Variants in HECW2 observed in about 807,000 individuals in gnomAD.
HECW2 encodes E3 ubiquitin-protein ligase HECW2.
In HECW2, 61 loss-of-function variants were observed where a neutral mutation model predicts 175.2. That is an observed-to-expected ratio of 0.35 (90% CI 0.28 to 0.43). The LOEUF (loss-of-function observed/expected upper bound fraction) is 0.43, where lower values mean the gene tolerates loss of function less well. Among genes scored for constraint, HECW2 ranks in the 20% least tolerant of loss-of-function variants. The probability of loss-of-function intolerance (pLI) is 1.00; values close to 1 mark genes in which losing one functional copy is unlikely to be tolerated. For missense variants in HECW2, 1,524 were observed against 2,000.5 expected (o/e 0.76, Z 4.54); for synonymous variants, 671 against 731.0 (o/e 0.92, Z 1.32).
intron 1 of HECW2, among the ~76,000 whole-genome samples, chr2:196,584,198 G>A (rs1690894601): frequency 6.6e-6 from 1 of 152,224 alleles, no homozygotes; most frequent in Non-Finnish European, 1.5e-5. Flanking sequence ...GTAAGTAGAA[G>A]TGGTGGGCAT....
chr2:196,327,265 C>T (rs779841041), intron 5 of HECW2, among the ~76,000 whole-genome samples: 11 of 152,154 alleles, frequency 7.2e-5, no homozygotes, highest in Non-Finnish European at 1.3e-4. Context: ...AATTTTTCCA[C>T]AATGGGACAT....
intron 1 of HECW2, among the ~76,000 whole-genome samples, chr2:196,470,490 T>C (rs1697151391): frequency 6.6e-6 from 1 of 152,222 alleles, no homozygotes; most frequent in South Asian, 2.1e-4. Context: ...CTGTTTATCT[T>C]CGTCTCTTGC....
intron 28 of HECW2, among the ~76,000 whole-genome samples, chr2:196,207,713 G>T (rs1306411315): frequency 6.6e-6 from 1 of 152,184 alleles, no homozygotes; most frequent in African/African-American, 2.4e-5. Flanking sequence ...CTCCCACAAG[G>T]TTCGGCACTT....
At chr2:196,436,772 C>A (rs1052305411) in intron 1 of HECW2, among the ~76,000 whole-genome samples, 2 of 134,930 alleles carry the variant, frequency 1.5e-5, no homozygotes, top group South Asian at 2.4e-4. Context: ...CAATTTCTTT[C>A]TTTTCTTTTC....
At chr2:196,283,949 T>A (rs1490157471) in intron 14 of HECW2, among the ~76,000 whole-genome samples, 1 of 152,196 alleles carries the variant, frequency 6.6e-6, no homozygotes, top group Non-Finnish European at 1.5e-5. Context: ...TTTGAACCCA[T>A]GTTTCTGTCT....
intron 2 of HECW2, among the ~76,000 whole-genome samples, chr2:196,363,929 T>TA (rs1375273222): frequency 6.6e-6 from 1 of 152,224 alleles, no homozygotes; most frequent in Non-Finnish European, 1.5e-5. Flanking sequence ...GGACAACAAA[T>TA]AGACTTCTTA....
chr2:196,455,276 C>T (rs552084968), intron 1 of HECW2, among the ~76,000 whole-genome samples: 1 of 152,348 alleles, frequency 6.6e-6, no homozygotes, highest in East Asian at 1.9e-4. Flanking sequence ...TCATGATCTG[C>T]CCACCTCAGC....
Position 196,569,371 on chromosome 2 carries a change from C to CTAAAATAAAATAAAA in HECW2, c.-36+24122_-36+24136dup, listed in dbSNP as rs1553538700. Among the ~76,000 whole-genome samples the CTAAAATAAAATAAAA allele has an allele frequency of 6.5e-4, 94 of 144,300 alleles. No individual in the cohort carries two copies. The Middle Eastern group carries it at 0.01, about 16-fold the overall frequency. 94.7% of individuals were successfully genotyped at this position (144,300 alleles called of 152,430 possible). ...CTAAACTAAACTAAACTAAACTAAACTAAAATAAAATAAAATAGGCTTTGT... is the reference window on the plus strand; with the variant it reads ...CTAAACTAAACTAAACTAAACTAAACTAAAATAAAATAAAATAAAATAAAATAAAATAGGCTTTGT... On this transcript the variant is annotated intron_variant, in intron 1 of 28. Coordinates refer to ENST00000644978, the MANE Select transcript of HECW2 (RefSeq NM_001348768.2).
At chr2:196,258,479 C>A (rs1048436734) in intron 17 of HECW2, among the ~76,000 whole-genome samples, 16 of 152,136 alleles carry the variant, frequency 1.1e-4, no homozygotes, top group Non-Finnish European at 7.3e-5. Flanking sequence ...TTTGCTACAA[C>A]AGTTGGTGAA....
chr2:196,495,358 G>A lies in HECW2; in HGVS notation c.-35-61900C>T, dbSNP rs546527632. 6.6e-5 allele frequency among the ~76,000 whole-genome samples: 10 copies of A among 152,228 alleles called. No homozygotes were observed. In the South Asian group the frequency reaches 1.7e-3, roughly 25 times the overall value. ...TGGGATTACAGGCGTGAGCCACCAC[G>A]CCCTGTCATCACTCTTTATACTAGA... is the stretch of plus-strand genomic sequence containing the variant. On this transcript the variant is annotated intron_variant, in intron 1 of 28. Transcript: ENST00000644978.
At chr2:196,454,709 C>G (rs2125313706) in intron 1 of HECW2, among the ~76,000 whole-genome samples, 1 of 152,232 alleles carries the variant, frequency 6.6e-6, no homozygotes. Context: ...TTGGAGGCAG[C>G]TTAGTGGATA....
intron 17 of HECW2, chr2:196,264,154 A>T (rs558421985): frequency 6.6e-6 from 1 of 152,328 alleles, no homozygotes; most frequent in African/African-American, 2.4e-5. Context: ...TTATTTAAAT[A>T]TAAGTAAAAA....
At chr2:196,320,879 G>A (rs1691915626) in intron 7 of HECW2, among the ~76,000 whole-genome samples, 5 of 152,198 alleles carry the variant, frequency 3.3e-5, no homozygotes, top group Admixed American at 3.3e-4. Flanking sequence ...GGTTCTAAAA[G>A]GACACTCACA....
At chr2:196,360,044 G>C (rs1003228614) in intron 2 of HECW2, among the ~76,000 whole-genome samples, 2 of 152,136 alleles carry the variant, frequency 1.3e-5, no homozygotes, top group African/African-American at 4.8e-5. Context: ...ATTCCAGACT[G>C]CAGTGAGCTA....
intron 1 of HECW2, among the ~76,000 whole-genome samples, chr2:196,467,052 TACC>T (rs1308986179): frequency 5.9e-5 from 9 of 152,288 alleles, no homozygotes; most frequent in Admixed American, 3.9e-4. Flanking sequence ...TGCTAGGGAT[TACC>T]ACAAGTACCA....
intron 2 of HECW2, among the ~76,000 whole-genome samples, chr2:196,376,629 CTGT>C (rs1312436606): frequency 1.0e-5 from 1 of 96,690 alleles, no homozygotes. Flanking sequence ...GAGCAAGACT[CTGT>C]CATAAAAAAA....
At chr2:196,466,669 G>T (rs1472882572) in intron 1 of HECW2, among the ~76,000 whole-genome samples, 1 of 152,160 alleles carries the variant, frequency 6.6e-6, no homozygotes, top group African/African-American at 2.4e-5. Context: ...AGTGAGATTT[G>T]AAGCAGATCT....
chr2:196,421,569 T>C (rs1406213), intron 2 of HECW2, among the ~76,000 whole-genome samples: 144,347 of 152,294 alleles, frequency 0.95, 68,515 homozygotes, highest in East Asian at 1. Context: ...TCAGTATGTA[T>C]AGTAAGGAAT....
chr2:196,378,423 T>C (rs1354937397), intron 2 of HECW2, among the ~76,000 whole-genome samples: 1 of 152,216 alleles, frequency 6.6e-6, no homozygotes, highest in Non-Finnish European at 1.5e-5. Flanking sequence ...AACACCTTCT[T>C]GTATAGCTTT....
Sources: gnomAD v4.1 joint callset for allele counts (sites outside exome capture counted in the v4.1 genomes callset) on GRCh38, gnomAD v4.1.1 for gene constraint, MANE v1.5 for transcripts, NCBI Gene and HGNC (gene_info 2026-07-23, HGNC 2026-07-21) for gene names.